ERBB4: variants seen among roughly 807,000 people sequenced by gnomAD.
ERBB4 encodes erb-b2 receptor tyrosine kinase 4.
Under a neutral mutation model 158.0 loss-of-function variants are expected in ERBB4, and 42 were observed. The ratio of observed to expected loss-of-function variants is 0.27; its 90% CI spans 0.21 to 0.34. The LOEUF (loss-of-function observed/expected upper bound fraction) is 0.34, where lower values mean the gene tolerates loss of function less well. ERBB4 is among the 10% of genes least tolerant of loss of function. The pLI is 1.00. For missense variants in ERBB4, 1,333 were observed against 1,624.1 expected (o/e 0.82, Z 3.08); for synonymous variants, 583 against 558.7 (o/e 1.04, Z -0.61).
At chr2:212,201,192 T>C (rs1245306457) in intron 1 of ERBB4, among the ~76,000 whole-genome samples, 1 of 152,188 alleles carries the variant, frequency 6.6e-6, no homozygotes, top group Admixed American at 6.5e-5. Context: ...ACCCTATATT[T>C]GTTGATTATT....
intron 2 of ERBB4, among the ~76,000 whole-genome samples, chr2:212,088,149 T>A (rs2078670447): frequency 1.3e-5 from 2 of 152,108 alleles, no homozygotes; most frequent in Admixed American, 6.6e-5. Flanking sequence ...GAGACTAAAC[T>A]CTGCAGGACA....
intron 20 of ERBB4, among the ~76,000 whole-genome samples, chr2:211,454,990 A>C (rs2064343709): frequency 6.6e-6 from 1 of 152,232 alleles, no homozygotes; most frequent in Non-Finnish European, 1.5e-5. Context: ...ACCCTTTAAA[A>C]ATTCTATGAA....
chr2:211,736,435 A>G (rs2074603970), intron 5 of ERBB4, among the ~76,000 whole-genome samples: 1 of 152,180 alleles, frequency 6.6e-6, no homozygotes, highest in Non-Finnish European at 1.5e-5. Context: ...GGCAGGGTGT[A>G]CTGAAGTGAT....
intron 20 of ERBB4, among the ~76,000 whole-genome samples, chr2:211,515,912 A>ATATATATATATATAT (rs35696520): frequency 2.2e-4 from 17 of 78,982 alleles, no homozygotes; most frequent in African/African-American, 9.1e-4. Flanking sequence ...ATATATATAT[A>ATATATATATATATAT]TTTTTTTTTT....
chr2:212,362,971 C>T (rs1317478835), intron 1 of ERBB4, among the ~76,000 whole-genome samples: 3 of 150,956 alleles, frequency 2.0e-5, no homozygotes, highest in Non-Finnish European at 3.0e-5. Context: ...CCTATAAAAA[C>T]ATAAATTTGA....
chr2:211,934,172 T>C (rs2080251305), intron 3 of ERBB4, among the ~76,000 whole-genome samples: 6 of 151,926 alleles, frequency 3.9e-5, no homozygotes, highest in Admixed American at 3.9e-4. Flanking sequence ...TTTATAAAAC[T>C]CTGCTGTAAA....
rs542129001 is a variant in ERBB4 at position 212,365,820 on chromosome 2, CA to C, written c.82+172628del. ...AAAAGTTCAAATTTACAAGGACTCA[CA>C]AATAACTGTAAGTACATACTGAGGA... On this transcript the variant is annotated intron_variant, in intron 1 of 27. Transcript: ENST00000342788. Among the ~76,000 whole-genome samples, 14 of 151,898 alleles carry C rather than the reference CA, an allele frequency of 9.2e-5. 1 individual carries two copies. In the South Asian group the frequency reaches 2.9e-3, roughly 32 times the overall value.
rs182254660 is a variant in ERBB4, at chr2:212,133,396, G to T, written c.83-8493C>A. 5.1e-3 allele frequency among the ~76,000 whole-genome samples: 698 copies of T among 137,114 alleles called. 8 individuals carry two copies. Among genetic ancestry groups the T allele is most frequent in the African/African-American group, 0.018 (617 of 33,876 alleles). 90.0% of individuals were successfully genotyped at this position (137,114 alleles called of 152,430 possible). A position where few individuals can be genotyped will look rare whatever the true frequency, so the allele number is the denominator to read the frequency against. On this transcript the variant is annotated intron_variant, in intron 1 of 27. Transcript: ENST00000342788. ...TGTTCTGCTTTCTTTTCATTTTGGT[G>T]TTTTTTTTTTGTTTTGTTTTGTTTT...
At chr2:212,386,074 C>G (rs1254081767) in intron 1 of ERBB4, among the ~76,000 whole-genome samples, 7 of 151,806 alleles carry the variant, frequency 4.6e-5, no homozygotes, top group Non-Finnish European at 4.4e-5. Flanking sequence ...GTCTTCCAAA[C>G]CTGATCCTTA....
At chr2:211,865,766 T>C (rs1002738277) in intron 3 of ERBB4, among the ~76,000 whole-genome samples, 2 of 152,210 alleles carry the variant, frequency 1.3e-5, no homozygotes, top group Non-Finnish European at 2.9e-5. Flanking sequence ...AAGTCATTCC[T>C]ATTTCTAACC....
intron 3 of ERBB4, among the ~76,000 whole-genome samples, chr2:211,819,629 G>A (rs1188082810): frequency 6.6e-6 from 1 of 151,946 alleles, no homozygotes; most frequent in Non-Finnish European, 1.5e-5. Context: ...AGAGGCAGGG[G>A]CACTTTCACA....
In ERBB4 at chr2:212,493,186, TTTAG is replaced by T. The variant is rs927182267; in HGVS notation, c.82+45259_82+45262del. ...GGCTAAATTTTATGCTTAAAATGACTTTAGTTATTTATTGAAAGCTGCTTTTATA... is the reference window on the plus strand; with the variant it reads ...GGCTAAATTTTATGCTTAAAATGACTTTATTTATTGAAAGCTGCTTTTATA... On this transcript the variant is annotated intron_variant, in intron 1 of 27. Coordinates refer to ENST00000342788, the MANE Select transcript of ERBB4 (RefSeq NM_005235.3). 1.7e-3 allele frequency among the ~76,000 whole-genome samples: 264 copies of T among 151,636 alleles called. 1 individual carries two copies. Among genetic ancestry groups the T allele is most frequent in the East Asian group, 9.6e-4 (5 of 5,182 alleles).
intron 1 of ERBB4, among the ~76,000 whole-genome samples, chr2:212,452,686 A>C (rs1021678793): frequency 6.6e-6 from 1 of 152,148 alleles, no homozygotes; most frequent in African/African-American, 2.4e-5. Flanking sequence ...ATCAGCATTT[A>C]AAACTGCATC....
chr2:212,112,401 C>T (rs1258901182), intron 2 of ERBB4, among the ~76,000 whole-genome samples: 1 of 151,868 alleles, frequency 6.6e-6, no homozygotes, highest in Non-Finnish European at 1.5e-5. Flanking sequence ...TTTTGTGGCT[C>T]TACTGAGGCC....
chr2:211,662,651 A>G (rs1404642375), intron 15 of ERBB4, among the ~76,000 whole-genome samples: 1 of 152,210 alleles, frequency 6.6e-6, no homozygotes, highest in Non-Finnish European at 1.5e-5. Context: ...TGTTGTTTTC[A>G]TGGATATTAG....
At chr2:212,531,350 T>TCC (rs1692746609) in intron 1 of ERBB4, among the ~76,000 whole-genome samples, 1 of 152,310 alleles carries the variant, frequency 6.6e-6, no homozygotes, top group Admixed American at 6.5e-5. Context: ...AGAGGTAGCA[T>TCC]CTTACAGAAG....
At position 212,470,076 on chromosome 2, in the gene ERBB4, AT is replaced by A. The variant is rs896262978; in HGVS notation, c.82+68372del. Among the ~76,000 whole-genome samples the A allele has an allele frequency of 2.0e-5, 3 of 151,998 alleles. No individual in the cohort carries two copies. In the South Asian group the frequency reaches 6.2e-4, roughly 32 times the overall value. ...TCAATATCACATAAGTTCACAATAT[AT>A]TTTTTTTAAATGTCCGGTTTGTCTG... On this transcript the variant is annotated intron_variant, in intron 1 of 27. Transcript: ENST00000342788.
At chr2:211,538,695 A>G (rs1361612388) in intron 20 of ERBB4, among the ~76,000 whole-genome samples, 1 of 151,784 alleles carries the variant, frequency 6.6e-6, no homozygotes, top group Non-Finnish European at 1.5e-5. Flanking sequence ...TCAAGCATGA[A>G]TTTGTATTTT....
At chr2:212,107,910 G>A (rs1403204360) in intron 2 of ERBB4, among the ~76,000 whole-genome samples, 2 of 152,042 alleles carry the variant, frequency 1.3e-5, no homozygotes, top group Non-Finnish European at 2.9e-5. Context: ...TGATTGTGAG[G>A]CTTCCCCAGC....
Sources: allele counts gnomAD v4.1 joint callset (sites outside exome capture counted in the v4.1 genomes callset), GRCh38; gene constraint gnomAD v4.1.1; transcripts MANE v1.5; gene names NCBI Gene and HGNC (gene_info 2026-07-23, HGNC 2026-07-21).